Variants in SMURF1 observed in about 807,000 individuals in gnomAD.
SMURF1 encodes the protein SMAD specific E3 ubiquitin protein ligase 1, also known as E3 ubiquitin-protein ligase SMURF1.
SMURF1 carries 44 observed loss-of-function variants against 98.0 expected under a neutral mutation model. The ratio of observed to expected loss-of-function variants is 0.45; its 90% CI spans 0.35 to 0.58. The LOEUF is 0.58. Ranked by LOEUF, SMURF1 falls within the 20% of genes least tolerant of loss-of-function variation. The probability of loss-of-function intolerance (pLI) is 0.00; values close to 1 mark genes in which losing one functional copy is unlikely to be tolerated. For synonymous variants in SMURF1, 396 were observed against 374.9 expected, an observed-to-expected ratio of 1.06 and a Z score of -0.65; for missense variants, 687 against 938.4, an observed-to-expected ratio of 0.73 and a Z score of 3.50.
chr7:99,103,881 C>T (rs1269067377), intron 1 of SMURF1, among the ~76,000 whole-genome samples: 1 of 151,278 alleles, frequency 6.6e-6, no homozygotes, highest in Non-Finnish European at 1.5e-5. Flanking sequence ...ATGGATATCT[C>T]CGGGCCACAA....
chr7:99,140,307 G>A (rs1470171005), intron 1 of SMURF1, among the ~76,000 whole-genome samples: 5 of 76,840 alleles, frequency 6.5e-5, no homozygotes, highest in Non-Finnish European at 1.3e-4. Flanking sequence ...TTTTTTTTGA[G>A]ACAGAGTCTC....
At chr7:99,133,564 T>C (rs1797921687) in intron 1 of SMURF1, among the ~76,000 whole-genome samples, 1 of 151,950 alleles carries the variant, frequency 6.6e-6, no homozygotes, top group African/African-American at 2.4e-5. Context: ...TGGTGGAAAA[T>C]GTAAATTGGT....
chr7:99,036,477 C>CA (rs11341707), intron 15 of SMURF1: 6,638 of 73,566 alleles, frequency 0.09, 230 homozygotes, highest in Non-Finnish European at 0.12. Flanking sequence ...GACCGTGTCT[C>CA]AAAAAAAAAA....
At chr7:99,035,332 T>G (rs1795094278) in intron 16 of SMURF1, 183 bp downstream of exon 16, 2 of 768,542 alleles carry the variant, frequency 2.6e-6, no homozygotes, top group Non-Finnish European at 4.1e-6. Context: ...GCCCCACACC[T>G]GCTCACACAC....
chr7:99,083,979 CCTGA>C (rs1422251473), intron 1 of SMURF1, among the ~76,000 whole-genome samples: 3 of 152,204 alleles, frequency 2.0e-5, no homozygotes, highest in Non-Finnish European at 2.9e-5. Context: ...ATATTGTATG[CCTGA>C]CTCTGTGTTA....
Position 99,143,822 on chromosome 7 carries a change from C to T in SMURF1, c.-42G>A, listed in dbSNP as rs1321986450. On this transcript the variant is annotated 5_prime_UTR_variant, in exon 1 of 18. Coordinates refer to ENST00000361368, the MANE Select transcript of SMURF1 (RefSeq NM_181349.3). ...GGCAGCCGCGGATCCAGCGCCACCGCCCCCCAGCCCGGCCCGGCCCGGCCC... is the reference window on the plus strand; with the variant it reads ...GGCAGCCGCGGATCCAGCGCCACCGTCCCCCAGCCCGGCCCGGCCCGGCCC... 7 of 1,506,104 alleles carry T rather than the reference C, an allele frequency of 4.6e-6. No individual in the cohort carries two copies. The highest frequency in any genetic ancestry group is 4.3e-5 in the Admixed American group (2 of 46,226). 93.3% of individuals were successfully genotyped at this position (1,506,104 alleles called of 1,614,324 possible).
intron 1 of SMURF1, among the ~76,000 whole-genome samples, chr7:99,125,622 C>G (rs933230528): frequency 3.9e-5 from 6 of 152,174 alleles, no homozygotes; most frequent in Non-Finnish European, 8.8e-5. Context: ...CATCACAGCT[C>G]ACATTACCTA....
At chr7:99,032,407 G>A (rs1331826211) in intron 17 of SMURF1, among the ~76,000 whole-genome samples, 2 of 152,220 alleles carry the variant, frequency 1.3e-5, no homozygotes, top group African/African-American at 2.4e-5. Context: ...GGTGGCTCAC[G>A]CCTGTAATCT....
intron 1 of SMURF1, among the ~76,000 whole-genome samples, chr7:99,077,076 A>G (rs1306415916): frequency 1.3e-5 from 2 of 151,942 alleles, no homozygotes; most frequent in Non-Finnish European, 2.9e-5. Flanking sequence ...ATAAATGTGT[A>G]TTTAAGAGTC....
chr7:99,053,633 A>AG (rs1259520772), intron 6 of SMURF1, among the ~76,000 whole-genome samples: 5 of 152,176 alleles, frequency 3.3e-5, no homozygotes, highest in African/African-American at 1.2e-4. Flanking sequence ...GTCCTACAGA[A>AG]GGCCCCATTC....
In SMURF1 at chr7:99,028,316, G is replaced by C. The variant is rs1159329555; in HGVS notation, c.*2268C>G. ...CTAGGAGTGCAGTGCCACCGACAGG[G>C]AGGCCTGTTTGGAAAGAGTGAACCG... is the stretch of plus-strand genomic sequence containing the variant. On this transcript the variant is annotated 3_prime_UTR_variant, in exon 18 of 18. Coordinates refer to ENST00000361368, the MANE Select transcript of SMURF1 (RefSeq NM_181349.3). 6.6e-6 allele frequency: 1 copy of C among 152,318 alleles called. No homozygotes were observed. Among genetic ancestry groups the C allele is most frequent in the African/African-American group, 2.4e-5 (1 of 41,462 alleles). The allele number at this position is 152,318 out of a possible 1,614,324, so 9.4% of individuals were successfully genotyped here. A position where few individuals can be genotyped will look rare whatever the true frequency, so the allele number is the denominator to read the frequency against.
intron 3 of SMURF1, among the ~76,000 whole-genome samples, chr7:99,060,298 G>A (rs959106871): frequency 6.7e-6 from 1 of 149,280 alleles, no homozygotes; most frequent in African/African-American, 2.5e-5. Flanking sequence ...AGAATCACTT[G>A]TACCCGGGAG....
chr7:99,124,437 T>C (rs1476260626), intron 1 of SMURF1, among the ~76,000 whole-genome samples: 1 of 152,190 alleles, frequency 6.6e-6, no homozygotes, highest in African/African-American at 2.4e-5. Flanking sequence ...TAGAATACTT[T>C]TGGAGAGACT....
intron 16 of SMURF1, among the ~76,000 whole-genome samples, chr7:99,034,095 G>A (rs2150493581): frequency 6.6e-6 from 1 of 152,304 alleles, no homozygotes; most frequent in African/African-American, 2.4e-5. Flanking sequence ...GGGGTCCTGG[G>A]ACAGGAAGCT....
At chr7:99,111,387 G>A (rs1488950153) in intron 1 of SMURF1, among the ~76,000 whole-genome samples, 3 of 152,154 alleles carry the variant, frequency 2.0e-5, no homozygotes, top group Non-Finnish European at 4.4e-5. Flanking sequence ...GACATTGCTG[G>A]TAGGCATATA....
In SMURF1 at chr7:99,060,581, A is replaced by G; in HGVS notation, c.203+18T>C. ...TTTCCTGCCGCTCCGCATGGGGCTTACAGAACATTCAACTCACAGATCATA... is the reference window on the plus strand; with the variant it reads ...TTTCCTGCCGCTCCGCATGGGGCTTGCAGAACATTCAACTCACAGATCATA... On this transcript the variant is annotated intron_variant, in intron 3 of 17. Coordinates refer to ENST00000361368, the MANE Select transcript of SMURF1 (RefSeq NM_181349.3). 1 of 1,592,744 alleles carries G rather than the reference A, an allele frequency of 6.3e-7. No homozygotes were observed. Among genetic ancestry groups the G allele is most frequent in the Non-Finnish European group, 8.6e-7 (1 of 1,161,608 alleles).
intron 1 of SMURF1, among the ~76,000 whole-genome samples, chr7:99,068,587 A>G (rs1400712706): frequency 6.6e-6 from 1 of 152,120 alleles, no homozygotes; most frequent in Non-Finnish European, 1.5e-5. Flanking sequence ...GGACTAAGCC[A>G]CTGTGCCTGG....
rs1218889549 is a variant in SMURF1, at chr7:99,028,216, C to T, written c.*2368G>A. 1 of 152,376 alleles carries T rather than the reference C, an allele frequency of 6.6e-6. No homozygotes were observed. The highest frequency in any genetic ancestry group is 1.5e-5 in the Non-Finnish European group (1 of 68,086). The allele number at this position is 152,376 out of a possible 1,614,324, so 9.4% of individuals were successfully genotyped here. ...AAGTAGAACAGTCGGGAAGCTTTTA[C>T]CATTTGCTTTGCCATGTTGAGTTCT... On this transcript the variant is annotated 3_prime_UTR_variant, in exon 18 of 18. Transcript: ENST00000361368.
intron 5 of SMURF1, 143 bp downstream of exon 5, chr7:99,057,061 TA>T: frequency 1.5e-6 from 1 of 678,478 alleles, no homozygotes; most frequent in African/African-American, 1.8e-5. Context: ...CAAAACTTCC[TA>T]GTACTGAAGA....
Sources: allele counts gnomAD v4.1 joint callset (sites outside exome capture counted in the v4.1 genomes callset), GRCh38; gene constraint gnomAD v4.1.1; transcripts MANE v1.5; gene names NCBI Gene and HGNC (gene_info 2026-07-23, HGNC 2026-07-21).